CCDC88C: variants seen among roughly 807,000 people sequenced by gnomAD.
CCDC88C encodes the protein protein Daple.
A neutral mutation model predicts 198.8 loss-of-function variants in CCDC88C; 131 were observed. That is an observed-to-expected ratio of 0.66 (90% CI 0.57 to 0.76). The LOEUF (loss-of-function observed/expected upper bound fraction) is 0.76, where lower values mean the gene tolerates loss of function less well. Among genes scored for constraint, CCDC88C ranks in the 30% least tolerant of loss-of-function variants. The probability of loss-of-function intolerance (pLI) is 0.00; values close to 1 mark genes in which losing one functional copy is unlikely to be tolerated. For missense variants in CCDC88C, 2,553 were observed against 2,631.6 expected (o/e 0.97, Z 0.65); for synonymous variants, 1,166 against 1,114.7 (o/e 1.05, Z -0.92).
At chr14:91,365,548 C>G (rs1894495397) in intron 3 of CCDC88C, among the ~76,000 whole-genome samples, 1 of 152,210 alleles carries the variant, frequency 6.6e-6, no homozygotes, top group South Asian at 2.1e-4. Flanking sequence ...TCCACTCAAC[C>G]ACGTTCGCCA....
chr14:91,340,039 G>T lies in CCDC88C; in HGVS notation c.484-15C>A. 1 of 1,608,768 alleles carries T rather than the reference G, an allele frequency of 6.2e-7. No individual in the cohort carries two copies. The highest frequency in any genetic ancestry group is 1.7e-4 in the Middle Eastern group (1 of 6,054). Reference sequence around the variant, plus strand: ...TTGTGAGTCACCTGTGGGCACACATGGCAGGGCACTGCAGGGGCGGCAGAG... The same window carrying T: ...TTGTGAGTCACCTGTGGGCACACATTGCAGGGCACTGCAGGGGCGGCAGAG... On this transcript the variant is annotated splice_polypyrimidine_tract_variant and intron_variant, in intron 6 of 29. Transcript: ENST00000389857.
At chr14:91,390,412 G>C (rs1051679974) in intron 3 of CCDC88C, among the ~76,000 whole-genome samples, 1 of 152,238 alleles carries the variant, frequency 6.6e-6, no homozygotes, top group Non-Finnish European at 1.5e-5. Context: ...AACACCGAAA[G>C]TATGCCCCGT....
rs1236996685 is a variant in CCDC88C, at chr14:91,303,843, C to T, written c.3493G>A (p.Glu1165Lys). ...RQQEQLTAAYEALLQDHEHLG... is the reference protein window; with the variant it reads ...RQQEQLTAAYKALLQDHEHLG... ...TGCTCGTGGTCCTGCAGCAGGGCCT[C>T]GTAGGCCGCTGTAAGTTGCTCCTGC... The change falls in exon 20 of 30, where the codon GAG becomes AAG. Residue 1165 changes from glutamate (E) to lysine (K), a missense_variant. Glu to Lys is a moderately conservative substitution (Grantham distance 56, BLOSUM62 1). This residue lies in a region of CCDC88C where 1,293 missense variants were observed against 1,219.6 expected (regional missense o/e 1.06). Coordinates refer to ENST00000389857, the MANE Select transcript of CCDC88C (RefSeq NM_001080414.4). 1.4e-5 allele frequency: 22 copies of T among 1,613,148 alleles called. No homozygotes were observed. The highest frequency in any genetic ancestry group is 1.7e-5 in the Non-Finnish European group (20 of 1,179,908).
intron 2 of CCDC88C, 142 bp downstream of exon 2, chr14:91,416,596 A>G (rs1887066628): frequency 1.3e-5 from 9 of 692,964 alleles, no homozygotes; most frequent in Non-Finnish European, 2.3e-5. Flanking sequence ...AGGCACGTTA[A>G]TACTGAGATA....
Position 91,307,106 on chromosome 14 carries a change from G to GC in CCDC88C, c.3126dup (p.Pro1043AlafsTer4), listed in dbSNP as rs759560872. The GC allele has an allele frequency of 6.2e-7, 1 of 1,613,928 alleles. No homozygotes were observed. The highest frequency in any genetic ancestry group is 8.5e-7 in the Non-Finnish European group (1 of 1,179,864). The stretch of plus-strand genomic sequence containing the variant: ...TCCATGGTGGCTTCCTTATGGCCGG[G>GC]CCCCCAGGCCTCCTTCCCCTGGTGA... On this transcript the variant is annotated frameshift_variant, in exon 18 of 30. Transcript: ENST00000389857. LOFTEE classifies it high-confidence loss of function.
intron 2 of CCDC88C, 139 bp downstream of exon 2, chr14:91,416,599 C>G: frequency 2.9e-6 from 2 of 697,294 alleles, no homozygotes; most frequent in Non-Finnish European, 5.1e-6. Flanking sequence ...CACGTTAATA[C>G]TGAGATACCA....
At position 91,308,448 on chromosome 14, in the gene CCDC88C, GT is replaced by G; in HGVS notation, c.2908del (p.Thr970GlnfsTer3). The G allele has an allele frequency of 6.2e-7, 1 of 1,613,928 alleles. No individual in the cohort carries two copies. Among genetic ancestry groups the G allele is most frequent in the Non-Finnish European group, 8.5e-7 (1 of 1,179,844 alleles). ...LEGRNESALK[T>X]TLAMKEEKIV... ...CTTTTCTTCTTTCATGGCTAGTGTT[GT>G]TTTTAATGCTGATTCATTTCTGCCC... is the stretch of plus-strand genomic sequence containing the variant. On this transcript the variant is annotated frameshift_variant, in exon 17 of 30. Transcript: ENST00000389857. LOFTEE classifies it high-confidence loss of function.
At chr14:91,291,516 T>A (rs755377830) in intron 23 of CCDC88C, among the ~76,000 whole-genome samples, 3 of 152,066 alleles carry the variant, frequency 2.0e-5, no homozygotes, top group Non-Finnish European at 4.4e-5. Flanking sequence ...AAAAGTCAGC[T>A]CAGCAAAGTC....
At chr14:91,408,837 AC>A in intron 2 of CCDC88C, 70 bp from the exon 3 acceptor site, 1 of 1,005,842 alleles carries the variant, frequency 9.9e-7, no homozygotes, top group Non-Finnish European at 1.6e-6. Flanking sequence ...CCCAGCCACG[AC>A]CCAGCATCTT....
At chr14:91,409,381 T>C (rs1033572512) in intron 2 of CCDC88C, among the ~76,000 whole-genome samples, 5 of 152,038 alleles carry the variant, frequency 3.3e-5, no homozygotes, top group African/African-American at 1.2e-4. Context: ...GGTCTCACTA[T>C]GTTGCCCAGG....
At position 91,272,666 on chromosome 14, in the gene CCDC88C, C is replaced by G. The variant is rs10142844; in HGVS notation, c.6046G>C (p.Gly2016Arg). Residue 2016 changes from glycine to arginine, a missense_variant, in exon 30 of 30, where the codon GGG (glycine) becomes CGG (arginine). By Grantham distance (125) the Gly-to-Arg change is moderately radical. Around this residue, in one of 2 missense-constraint regions of CCDC88C, gnomAD observed 1,293 missense variants for 1,219.6 expected, o/e 1.06. Coordinates refer to ENST00000389857, the MANE Select transcript of CCDC88C (RefSeq NM_001080414.4). ...KSSPASPEPG[G>R]DPQTVWYEYG... ...TCATACCACACGGTCTGCGGATCCCCGCCGGGCTCCGGGGAGGCCGGACTG... is the reference window on the plus strand; with the variant it reads ...TCATACCACACGGTCTGCGGATCCCGGCCGGGCTCCGGGGAGGCCGGACTG... The G allele has an allele frequency of 6.2e-7, 1 of 1,611,598 alleles. No homozygotes were observed. Among genetic ancestry groups the G allele is most frequent in the Non-Finnish European group, 8.5e-7 (1 of 1,179,872 alleles).
intron 4 of CCDC88C, among the ~76,000 whole-genome samples, chr14:91,354,155 T>C (rs1401741309): frequency 2.4e-4 from 36 of 152,326 alleles, no homozygotes; most frequent in Non-Finnish European, 7.4e-5. Flanking sequence ...GGATCGGCCA[T>C]GTGTAAGTCT....
chr14:91,381,811 A>G lies in CCDC88C; in HGVS notation c.271-22100T>C, dbSNP rs140272837. Among the ~76,000 whole-genome samples, 1,141 of 147,204 alleles carry G rather than the reference A, an allele frequency of 7.8e-3. 11 individuals carry two copies. The highest frequency in any genetic ancestry group is 0.027 in the African/African-American group (1,088 of 40,056). ...ATCGTGCCAGCCAGGGCAACGGAGC[A>G]AGACTCTGTCTCGAAAAACAAAAAC... On this transcript the variant is annotated intron_variant, in intron 3 of 29. Transcript: ENST00000389857. This position sits in a 1 kb window ranked among gnomAD's most constrained non-coding sequence, Gnocchi z 4.2.
intron 4 of CCDC88C, among the ~76,000 whole-genome samples, chr14:91,348,649 A>C (rs1893654343): frequency 6.6e-6 from 1 of 152,162 alleles, no homozygotes; most frequent in Admixed American, 6.5e-5. Flanking sequence ...TCAAGAAAAC[A>C]ATCTGACCCA....
Position 91,346,107 on chromosome 14 carries a change from A to C in CCDC88C, c.341-2450T>G, listed in dbSNP as rs1285069559. On this transcript the variant is annotated intron_variant, in intron 4 of 29. Coordinates refer to ENST00000389857, the MANE Select transcript of CCDC88C (RefSeq NM_001080414.4). The stretch of plus-strand genomic sequence containing the variant: ...AAAAAACCAAACCGCCGTCCTGAGA[A>C]CCAATGCTGCGGTTCATTTCAGATC... Among the ~76,000 whole-genome samples, 3 of 152,360 alleles carry C rather than the reference A, an allele frequency of 2.0e-5. No homozygotes were observed. In the East Asian group the frequency reaches 5.8e-4, roughly 29 times the overall value.
At chr14:91,322,923 T>TTTTTTG (rs398039192) in intron 12 of CCDC88C, among the ~76,000 whole-genome samples, 1 of 150,238 alleles carries the variant, frequency 6.7e-6, no homozygotes, top group African/African-American at 2.5e-5. Context: ...TTTTTTTTTT[T>TTTTTTG]GAGACAGAAT....
intron 4 of CCDC88C, among the ~76,000 whole-genome samples, chr14:91,358,527 T>G (rs1894146616): frequency 6.6e-6 from 1 of 152,202 alleles, no homozygotes; most frequent in Non-Finnish European, 1.5e-5. Flanking sequence ...GTCCACCAGC[T>G]ATGGGTGCAG....
At chr14:91,283,875 G>A (rs1890299813) in intron 25 of CCDC88C, among the ~76,000 whole-genome samples, 1 of 152,236 alleles carries the variant, frequency 6.6e-6, no homozygotes, top group African/African-American at 2.4e-5. Context: ...ACACTGTCCG[G>A]AACTCCAATC....
At chr14:91,361,623 G>C (rs1387511121) in intron 3 of CCDC88C, among the ~76,000 whole-genome samples, 1 of 152,126 alleles carries the variant, frequency 6.6e-6, no homozygotes, top group Non-Finnish European at 1.5e-5. Context: ...ATTATCCAGG[G>C]TCACATGTCA....
Sources: gnomAD v4.1 joint callset for allele counts (sites outside exome capture counted in the v4.1 genomes callset) on GRCh38, gnomAD v4.1.1 for gene constraint, gnomAD v4.1.1 regional missense constraint, Gnocchi (gnomAD v3.1) non-coding constraint, MANE v1.5 for transcripts, NCBI Gene and HGNC (gene_info 2026-07-23, HGNC 2026-07-21) for gene names.